The following ANKFN1 variants were observed in gnomAD, a reference collection of about 807,000 sequenced individuals.
ANKFN1 encodes ankyrin repeat and fibronectin type-III domain-containing protein 1.
ANKFN1 carries 74 observed loss-of-function variants against 108.7 expected under a neutral mutation model. The ratio of observed to expected loss-of-function variants is 0.68; its 90% CI spans 0.56 to 0.83. The LOEUF is 0.83. Ranked by LOEUF, ANKFN1 falls within the 40% of genes least tolerant of loss-of-function variation. The probability of loss-of-function intolerance (pLI) is 0.00; values close to 1 mark genes in which losing one functional copy is unlikely to be tolerated. For synonymous variants in ANKFN1, 547 were observed against 516.2 expected (o/e 1.06, Z -0.81); for missense variants, 1,505 against 1,382.3 (o/e 1.09, Z -1.41).
At chr17:56,164,552 A>C (rs1056388445) in intron 1 of ANKFN1, among the ~76,000 whole-genome samples, 1 of 152,190 alleles carries the variant, frequency 6.6e-6, no homozygotes, top group Non-Finnish European at 1.5e-5. Flanking sequence ...TAATGAAGAA[A>C]TGAATTAATT....
At chr17:56,187,158 A>G (rs945622742) in intron 1 of ANKFN1, among the ~76,000 whole-genome samples, 2 of 152,214 alleles carry the variant, frequency 1.3e-5, no homozygotes, top group African/African-American at 4.8e-5. Flanking sequence ...AACCTACACA[A>G]TGGGAGAAAA....
chr17:56,065,246 A>C (rs1905042071), intron 4 of ANKFN1, among the ~76,000 whole-genome samples: 1 of 152,110 alleles, frequency 6.6e-6, no homozygotes, highest in African/African-American at 2.4e-5. Context: ...GCCTTCACAG[A>C]ATTGAAGAGA....
At chr17:56,320,800 A>C (rs1436559278) in intron 3 of ANKFN1, among the ~76,000 whole-genome samples, 2 of 152,156 alleles carry the variant, frequency 1.3e-5, no homozygotes, top group Admixed American at 6.5e-5. Context: ...TTTCTCAAAA[A>C]TGTGGCACTG....
In ANKFN1 at chr17:56,356,357, A is replaced by G. The variant is rs142383091; in HGVS notation, c.601+2311A>G. ...TAAAAGAAAAAAGTAAACTCATCAA[A>G]CTGTTAGTTTCACTAATACTGATTC... On this transcript the variant is annotated intron_variant, in intron 6 of 20. Coordinates refer to ENST00000682825, the MANE Select transcript of ANKFN1 (RefSeq NM_001370326.1). 2.0e-5 allele frequency among the ~76,000 whole-genome samples: 3 copies of G among 152,284 alleles called. No homozygotes were observed. The East Asian group carries it at 5.8e-4, about 29-fold the overall frequency.
chr17:56,398,075 A>T (rs1208780029), intron 8 of ANKFN1, among the ~76,000 whole-genome samples: 1 of 152,100 alleles, frequency 6.6e-6, no homozygotes, highest in African/African-American at 2.4e-5. Flanking sequence ...CTTCTCTCAC[A>T]GTCCTTTTCC....
At chr17:56,434,858 G>C (rs890775581) in intron 8 of ANKFN1, among the ~76,000 whole-genome samples, 2 of 152,074 alleles carry the variant, frequency 1.3e-5, no homozygotes, top group Non-Finnish European at 2.9e-5. Flanking sequence ...TGGATCGGGG[G>C]AAGATTTCAT....
intron 1 of ANKFN1, among the ~76,000 whole-genome samples, chr17:56,199,933 C>T (rs1380249371): frequency 1.3e-5 from 2 of 152,152 alleles, no homozygotes; most frequent in Non-Finnish European, 2.9e-5. Context: ...TGGGATCACA[C>T]ATCTCTATGC....
intron 4 of ANKFN1, among the ~76,000 whole-genome samples, chr17:56,087,627 G>A (rs1028389440): frequency 4.0e-5 from 6 of 151,234 alleles, no homozygotes; most frequent in African/African-American, 9.7e-5. Flanking sequence ...ATTTTTGTTG[G>A]AACACCCCTC....
intron 15 of ANKFN1, 50 bp from the exon 16 acceptor site, chr17:56,477,438 C>G: frequency 6.7e-7 from 1 of 1,483,250 alleles, no homozygotes. Flanking sequence ...TGAGATTGCC[C>G]TTCGAGTTGT....
chr17:56,338,255 G>C (rs1258041238), intron 4 of ANKFN1, among the ~76,000 whole-genome samples: 1 of 152,044 alleles, frequency 6.6e-6, no homozygotes, highest in African/African-American at 2.4e-5. Context: ...TGAACAATGA[G>C]AACACTTGGA....
chr17:56,381,788 A>G (rs1194419891), intron 8 of ANKFN1, among the ~76,000 whole-genome samples: 1 of 152,236 alleles, frequency 6.6e-6, no homozygotes, highest in African/African-American at 2.4e-5. Context: ...GGACTATGTG[A>G]AAAGACCAAA....
At position 56,424,235 on chromosome 17, in the gene ANKFN1, A is replaced by G. The variant is rs183324572; in HGVS notation, c.911-16092A>G. Among the ~76,000 whole-genome samples, 157 of 152,344 alleles carry G rather than the reference A, an allele frequency of 1.0e-3. 2 individuals are homozygous for G. In the Middle Eastern group the frequency reaches 0.014, roughly 13 times the overall value. On this transcript the variant is annotated intron_variant, in intron 8 of 20. Coordinates refer to ENST00000682825, the MANE Select transcript of ANKFN1 (RefSeq NM_001370326.1). ...CTGTATCATCCCTCAGACTTACTCA[A>G]AATGAAAACTTACAAACCTGTGTAC...
chr17:56,501,479 CA>C (rs113560880), intron 20 of ANKFN1, among the ~76,000 whole-genome samples: 4,290 of 147,514 alleles, frequency 0.029, 203 homozygotes, highest in African/African-American at 0.1. Flanking sequence ...TGGCACTTGC[CA>C]AAAAAAAAGG....
At chr17:56,126,356 A>G (rs1340365913) in intron 4 of ANKFN1, among the ~76,000 whole-genome samples, 2 of 152,138 alleles carry the variant, frequency 1.3e-5, no homozygotes, top group Non-Finnish European at 2.9e-5. Context: ...GCGGATCACA[A>G]TGAAGGCATG....
intron 3 of ANKFN1, among the ~76,000 whole-genome samples, chr17:56,309,596 G>A (rs2044947607): frequency 6.6e-6 from 1 of 151,026 alleles, no homozygotes; most frequent in South Asian, 2.1e-4. Context: ...ATCTTTTTTG[G>A]CTTTCTTGTG....
chr17:56,506,877 T>C (rs1567714369), intron 20 of ANKFN1, among the ~76,000 whole-genome samples: 1 of 152,038 alleles, frequency 6.6e-6, no homozygotes, highest in African/African-American at 2.4e-5. Context: ...AGAATACAAA[T>C]TGGAAAATTT....
chr17:56,396,798 T>C (rs896463051), intron 8 of ANKFN1, among the ~76,000 whole-genome samples: 12 of 152,184 alleles, frequency 7.9e-5, no homozygotes, highest in African/African-American at 2.9e-4. Flanking sequence ...ACAGCCAGTA[T>C]ATGCCAGAAT....
At chr17:56,219,344 G>A (rs1446222554) in intron 2 of ANKFN1, among the ~76,000 whole-genome samples, 1 of 151,942 alleles carries the variant, frequency 6.6e-6, no homozygotes, top group Non-Finnish European at 1.5e-5. Flanking sequence ...CCTCCTGGGA[G>A]CAAGTGATTC....
At chr17:56,204,686 A>T (rs190201700) in intron 1 of ANKFN1, among the ~76,000 whole-genome samples, 1 of 152,340 alleles carries the variant, frequency 6.6e-6, no homozygotes, top group Middle Eastern at 3.4e-3. Flanking sequence ...AACCACTGTC[A>T]TAATATAGAC....
Sources: gnomAD v4.1 joint callset for allele counts (sites outside exome capture counted in the v4.1 genomes callset) on GRCh38, gnomAD v4.1.1 for gene constraint, MANE v1.5 for transcripts, NCBI Gene and HGNC (gene_info 2026-07-23, HGNC 2026-07-21) for gene names.